The following TAF4 variants were observed in gnomAD, a reference collection of about 807,000 sequenced individuals.
The protein encoded by TAF4 is transcription initiation factor TFIID subunit 4.
In TAF4, 9 loss-of-function variants were observed where a neutral mutation model predicts 90.3. The ratio of observed to expected loss-of-function variants is 0.10; its 90% confidence interval spans 0.06 to 0.17. The LOEUF is 0.17. Among genes scored for constraint, TAF4 ranks in the 10% least tolerant of loss-of-function variants. The pLI is 1.00. For missense variants in TAF4, 1,351 were observed against 1,370.7 expected, an observed-to-expected ratio of 0.99 and a Z score of 0.23; for synonymous variants, 818 against 638.9, an observed-to-expected ratio of 1.28 and a Z score of -4.23.
At position 62,006,450 on chromosome 20, in the gene TAF4, A is replaced by C; in HGVS notation, c.2223+60T>G. 1 of 1,347,354 alleles carries C rather than the reference A, an allele frequency of 7.4e-7. No homozygotes were observed. Among genetic ancestry groups the C allele is most frequent in the Non-Finnish European group, 9.6e-7 (1 of 1,046,772 alleles). The allele number at this position is 1,347,354 out of a possible 1,614,324, so 83.5% of individuals were successfully genotyped here. ...CTGAGCCGTGGCCAATTTATCTAAG[A>C]AGCGGGCGGGAGCAGAGGCACGGTG... On this transcript the variant is annotated intron_variant, in intron 7 of 14. Transcript: ENST00000252996. This position sits in a 1 kb window ranked among gnomAD's most constrained non-coding sequence, Gnocchi z 7.0.
chr20:62,039,414 CTACCT>C (rs1474624504), intron 1 of TAF4, among the ~76,000 whole-genome samples: 2 of 152,298 alleles, frequency 1.3e-5, no homozygotes, highest in African/African-American at 2.4e-5. Context: ...TCTCAACCCC[CTACCT>C]TACAACTCTC....
chr20:62,046,951 C>T (rs182720831), intron 1 of TAF4, among the ~76,000 whole-genome samples: 25 of 152,330 alleles, frequency 1.6e-4, no homozygotes, highest in African/African-American at 5.8e-4. Flanking sequence ...TCTTTACGTA[C>T]TCTGGACACC....
chr20:61,987,675 A>G (rs1403535395), intron 14 of TAF4, among the ~76,000 whole-genome samples: 1 of 152,210 alleles, frequency 6.6e-6, no homozygotes, highest in African/African-American at 2.4e-5. Context: ...TTCTTACAAA[A>G]CTAAACGTGC....
In TAF4 at chr20:62,064,909, GCGGGGGGCGGCACGGCGGGCGCGGCGGT is replaced by G; in HGVS notation, c.874_901del (p.Thr292ProfsTer108). ...GGCGCTGCCCCCGTTCTGGGCGGCG[GCGGGGGGCGGCACGGCGGGCGCGGCGGT>G]CGGGGGTCCGGCGGGGTGGCCGGGC... On this transcript the variant is annotated frameshift_variant, in exon 1 of 15. Transcript: ENST00000252996. LOFTEE classifies it high-confidence loss of function. The G allele has an allele frequency of 2.9e-6, 2 of 682,134 alleles. No homozygotes were observed. Among genetic ancestry groups the G allele is most frequent in the Non-Finnish European group, 3.6e-6 (2 of 558,956 alleles). The allele number at this position is 682,134 out of a possible 1,614,324, so 42.3% of individuals were successfully genotyped here. A position where few individuals can be genotyped will look rare whatever the true frequency, so the allele number is the denominator to read the frequency against.
Position 62,000,129 on chromosome 20 carries a change from A to T in TAF4, c.2782T>A (p.Tyr928Asn). 6.2e-7 allele frequency: 1 copy of T among 1,614,246 alleles called. No homozygotes were observed. The highest frequency in any genetic ancestry group is 8.5e-7 in the Non-Finnish European group (1 of 1,180,046). ...SETAQQKNFS[Y>N]KDDDRYEQAS... is the part of the protein sequence containing the mutation. ...CTCGGCAAACAGCCTGTTACCTTGT[A>T]AGAAAAGTTCTTCTGCTGAGCTGTT... The change falls in exon 11 of 15, where the codon TAC becomes AAC. Residue 928 changes from tyrosine to asparagine, a missense_variant. Physicochemically the swap from Tyr to Asn is moderately radical, Grantham distance 143 (BLOSUM62 -2). Coordinates refer to ENST00000252996, the MANE Select transcript of TAF4 (RefSeq NM_003185.4).
chr20:61,996,825 T>C (rs940924024), intron 14 of TAF4, among the ~76,000 whole-genome samples: 1 of 124,842 alleles, frequency 8.0e-6, no homozygotes. Context: ...AGAATGAGGG[T>C]GAAATACAAT....
At chr20:62,036,113 T>C (rs1281950399) in intron 1 of TAF4, among the ~76,000 whole-genome samples, 2 of 151,812 alleles carry the variant, frequency 1.3e-5, no homozygotes, top group Non-Finnish European at 2.9e-5. Flanking sequence ...AACCTCCCGC[T>C]CACGGGTTCA....
intron 14 of TAF4, among the ~76,000 whole-genome samples, chr20:61,977,932 A>C (rs1043335618): frequency 2.6e-5 from 4 of 152,198 alleles, no homozygotes; most frequent in Non-Finnish European, 4.4e-5. Context: ...AAAAAAGAGG[A>C]CCGGGGTGAA....
intron 2 of TAF4, among the ~76,000 whole-genome samples, chr20:62,013,893 G>A (rs1445670776): frequency 6.8e-6 from 1 of 147,338 alleles, no homozygotes; most frequent in Non-Finnish European, 1.5e-5. Flanking sequence ...CTTCGGCCCT[G>A]AAGGCTGACG....
In TAF4 at chr20:61,978,658, C is replaced by G. The variant is rs570911429; in HGVS notation, c.3091-2323G>C. ...GACGAACCAAGGCCGAGGGCGAGAC[C>G]AACCAAGGCCGGGGGCGAGACCAAC... On this transcript the variant is annotated intron_variant, in intron 14 of 14. Coordinates refer to ENST00000252996, the MANE Select transcript of TAF4 (RefSeq NM_003185.4). Among the ~76,000 whole-genome samples, 1,426 of 146,800 alleles carry G rather than the reference C, an allele frequency of 9.7e-3. 59 individuals carry two copies. The highest frequency in any genetic ancestry group is 0.036 in the African/African-American group (1,350 of 37,434).
Position 61,987,487 on chromosome 20 carries a change from C to T in TAF4, c.3090+10063G>A, listed in dbSNP as rs901760025. The stretch of plus-strand genomic sequence containing the variant: ...CAACAATATCAACAATAAGCTGCTC[C>T]GCATCCTCCGTCACCAGGGAGATGC... On this transcript the variant is annotated intron_variant, in intron 14 of 14. Transcript: ENST00000252996. Among the ~76,000 whole-genome samples, 10 of 152,318 alleles carry T rather than the reference C, an allele frequency of 6.6e-5. 2 individuals carry two copies. Among genetic ancestry groups the T allele is most frequent in the Admixed American group, 4.6e-4 (7 of 15,308 alleles).
At chr20:62,043,559 C>T (rs778808547) in intron 1 of TAF4, among the ~76,000 whole-genome samples, 2 of 152,310 alleles carry the variant, frequency 1.3e-5, no homozygotes, top group South Asian at 4.1e-4. Context: ...CTCAGACTCC[C>T]GCAGAGCAAC....
intron 9 of TAF4, among the ~76,000 whole-genome samples, chr20:62,001,534 T>C (rs1188013149): frequency 6.6e-6 from 1 of 152,092 alleles, no homozygotes; most frequent in Non-Finnish European, 1.5e-5. Flanking sequence ...CCTCCAGCAG[T>C]GGGCTTTGAA....
intron 1 of TAF4, among the ~76,000 whole-genome samples, chr20:62,055,194 G>C (rs2056053927): frequency 6.8e-6 from 1 of 147,532 alleles, no homozygotes; most frequent in Admixed American, 6.7e-5. Flanking sequence ...GGGCAGTCCT[G>C]CAAGACAATA....
chr20:62,064,485 GT>G lies in TAF4; in HGVS notation c.1325del (p.Asn442ThrfsTer25). On this transcript the variant is annotated frameshift_variant, in exon 1 of 15. Transcript: ENST00000252996. LOFTEE classifies it high-confidence loss of function. ...GCTGGAAGTTCTGGATGTTGGTCGG[GT>G]TCTGAGGCGGCTGCGGCAAGCGGGG... is the stretch of plus-strand genomic sequence containing the variant. ...LAPRLPQPPQ[N>X]PTNIQNFQLP... is the part of the protein sequence containing the mutation. 6.6e-7 allele frequency: 1 copy of G among 1,513,868 alleles called. No individual in the cohort carries two copies. Among genetic ancestry groups the G allele is most frequent in the Non-Finnish European group, 8.8e-7 (1 of 1,131,788 alleles). The allele number at this position is 1,513,868 out of a possible 1,614,324, so 93.8% of individuals were successfully genotyped here. A position where few individuals can be genotyped will look rare whatever the true frequency, so the allele number is the denominator to read the frequency against.
intron 5 of TAF4, 118 bp from the exon 6 acceptor site, chr20:62,007,754 A>G: frequency 1.0e-6 from 1 of 964,730 alleles, no homozygotes; most frequent in Non-Finnish European, 1.5e-6. Context: ...TTCACTGGAC[A>G]GAGGAGATGG....
intron 1 of TAF4, among the ~76,000 whole-genome samples, chr20:62,050,413 C>G (rs987920245): frequency 6.6e-6 from 1 of 152,188 alleles, no homozygotes; most frequent in African/African-American, 2.4e-5. Flanking sequence ...CTTCTGACGA[C>G]TCTTCCCAAA....
intron 14 of TAF4, among the ~76,000 whole-genome samples, chr20:61,993,536 CCTTTT>C (rs915498890): frequency 2.6e-5 from 4 of 152,182 alleles, no homozygotes; most frequent in Non-Finnish European, 5.9e-5. Context: ...ATTCTGGTTT[CCTTTT>C]AAGTCAAGTT....
At chr20:62,021,956 G>T (rs990959765) in intron 1 of TAF4, among the ~76,000 whole-genome samples, 1 of 152,170 alleles carries the variant, frequency 6.6e-6, no homozygotes, top group Non-Finnish European at 1.5e-5. Flanking sequence ...CCAAAGCCCG[G>T]GAGGGCGCTC....
Sources: allele counts gnomAD v4.1 joint callset (sites outside exome capture counted in the v4.1 genomes callset), GRCh38; gene constraint gnomAD v4.1.1; non-coding constraint Gnocchi (gnomAD v3.1); transcripts MANE v1.5; gene names NCBI Gene and HGNC (gene_info 2026-07-23, HGNC 2026-07-21).